ZFPM2: variants seen among roughly 807,000 people sequenced by gnomAD.
ZFPM2 encodes zinc finger protein ZFPM2.
A neutral mutation model predicts 98.6 loss-of-function variants in ZFPM2; 20 were observed. That is an observed-to-expected ratio of 0.20 (90% confidence interval 0.14 to 0.29). The LOEUF is 0.29. Among genes scored for constraint, ZFPM2 ranks in the 10% least tolerant of loss-of-function variants. ZFPM2 has a pLI of 1.00. For synonymous variants in ZFPM2, 518 were observed against 502.7 expected (o/e 1.03, Z -0.41); for missense variants, 1,310 against 1,388.6 (o/e 0.94, Z 0.90).
intron 4 of ZFPM2, among the ~76,000 whole-genome samples, chr8:105,607,805 A>G (rs71522749): frequency 0.11 from 16,408 of 152,164 alleles, 1,060 homozygotes; most frequent in South Asian, 0.22. Flanking sequence ...CATCTTTTTA[A>G]TGATTTAATA....
intron 5 of ZFPM2, among the ~76,000 whole-genome samples, chr8:105,786,594 G>C (rs1199034295): frequency 6.6e-6 from 1 of 151,146 alleles, no homozygotes; most frequent in Non-Finnish European, 1.5e-5. Context: ...GATAATAAAT[G>C]TGAAACATTA....
At chr8:105,595,834 C>T (rs976421916) in intron 4 of ZFPM2, among the ~76,000 whole-genome samples, 1 of 151,824 alleles carries the variant, frequency 6.6e-6, no homozygotes, top group African/African-American at 2.4e-5. Context: ...AGGCACATAA[C>T]TTCTTAGAGC....
At chr8:105,678,706 A>C (rs1810530481) in intron 5 of ZFPM2, 1 of 152,206 alleles carries the variant, frequency 6.6e-6, no homozygotes, top group African/African-American at 2.4e-5. Flanking sequence ...TTCCATTGGT[A>C]ACCACCCTGG....
At chr8:105,458,911 A>T (rs912023104) in intron 3 of ZFPM2, among the ~76,000 whole-genome samples, 1 of 152,154 alleles carries the variant, frequency 6.6e-6, no homozygotes, top group Non-Finnish European at 1.5e-5. Flanking sequence ...TTGCCATTAA[A>T]CAATAATTAT....
chr8:105,580,269 A>C (rs765376262), intron 4 of ZFPM2, among the ~76,000 whole-genome samples: 34 of 152,180 alleles, frequency 2.2e-4, no homozygotes, highest in Non-Finnish European at 3.4e-4. Context: ...TTGTTGTGTG[A>C]AGGCAGAATT....
chr8:105,681,817 C>CT (rs1810611083), intron 5 of ZFPM2, among the ~76,000 whole-genome samples: 1 of 152,036 alleles, frequency 6.6e-6, no homozygotes, highest in Non-Finnish European at 1.5e-5. Context: ...TAATTACTCT[C>CT]TTGTGTGTGC....
chr8:105,418,965 T>C (rs1383387160), intron 1 of ZFPM2, among the ~76,000 whole-genome samples, 179 bp from the exon 2 acceptor site: 5 of 152,152 alleles, frequency 3.3e-5, no homozygotes, highest in African/African-American at 1.2e-4. Context: ...TCTTTCATCA[T>C]AGGTCATTGT....
At chr8:105,433,449 C>T (rs1812058720) in intron 2 of ZFPM2, among the ~76,000 whole-genome samples, 1 of 152,116 alleles carries the variant, frequency 6.6e-6, no homozygotes, top group Non-Finnish European at 1.5e-5. Context: ...TTTCTCCTTA[C>T]TAGCTATGAT....
At chr8:105,388,251 G>C (rs1811041142) in intron 1 of ZFPM2, among the ~76,000 whole-genome samples, 1 of 151,934 alleles carries the variant, frequency 6.6e-6, no homozygotes, top group South Asian at 2.1e-4. Flanking sequence ...GCAACATAGA[G>C]ATTTTCATGG....
intron 3 of ZFPM2, among the ~76,000 whole-genome samples, chr8:105,491,257 A>G (rs1813350860): frequency 6.6e-6 from 1 of 152,114 alleles, no homozygotes; most frequent in Admixed American, 6.6e-5. Context: ...TGGTCAAAGA[A>G]CTGCATCCTT....
At chr8:105,695,598 A>C (rs1172042889) in intron 5 of ZFPM2, among the ~76,000 whole-genome samples, 1 of 152,020 alleles carries the variant, frequency 6.6e-6, no homozygotes, top group Non-Finnish European at 1.5e-5. Context: ...TGTTTTGTTA[A>C]GTGCAGTCAC....
intron 4 of ZFPM2, among the ~76,000 whole-genome samples, chr8:105,632,605 T>G (rs997362037): frequency 6.6e-6 from 1 of 152,230 alleles, no homozygotes; most frequent in African/African-American, 2.4e-5. Context: ...TCTCCTCTAA[T>G]TCTATTTTGA....
intron 5 of ZFPM2, among the ~76,000 whole-genome samples, chr8:105,660,349 G>A (rs1429239260): frequency 6.6e-6 from 1 of 152,104 alleles, no homozygotes; most frequent in Non-Finnish European, 1.5e-5. Context: ...AAGCATTAGA[G>A]CTTACAGTCT....
At chr8:105,637,154 G>A (rs1355589426) in intron 5 of ZFPM2, among the ~76,000 whole-genome samples, 2 of 152,148 alleles carry the variant, frequency 1.3e-5, no homozygotes, top group African/African-American at 4.8e-5. Context: ...GAGGTGGCAT[G>A]ATTGCCTGTG....
chr8:105,349,038 G>C (rs1283019407), intron 1 of ZFPM2, among the ~76,000 whole-genome samples: 1 of 152,116 alleles, frequency 6.6e-6, no homozygotes, highest in African/African-American at 2.4e-5. Context: ...CTGTTGTGGG[G>C]TTACAGAAAA....
chr8:105,515,812 A>G (rs1813907449), intron 3 of ZFPM2, among the ~76,000 whole-genome samples: 2 of 151,966 alleles, frequency 1.3e-5, no homozygotes, highest in Admixed American at 6.6e-5. Flanking sequence ...CTCTCTAGGC[A>G]ATTTTAAAGA....
chr8:105,651,009 T>C (rs1488623461), intron 5 of ZFPM2, among the ~76,000 whole-genome samples: 1 of 152,178 alleles, frequency 6.6e-6, no homozygotes, highest in Non-Finnish European at 1.5e-5. Context: ...TCAGTTTTTG[T>C]CTTTAAAACT....
At chr8:105,773,680 A>T (rs1266902878) in intron 5 of ZFPM2, among the ~76,000 whole-genome samples, 1 of 150,936 alleles carries the variant, frequency 6.6e-6, no homozygotes, top group Non-Finnish European at 1.5e-5. Flanking sequence ...AAAAATAAAT[A>T]AAAAAGATAA....
At chr8:105,768,242 A>G (rs1450336202) in intron 5 of ZFPM2, among the ~76,000 whole-genome samples, 1 of 151,948 alleles carries the variant, frequency 6.6e-6, no homozygotes, top group African/African-American at 2.4e-5. Context: ...TCCAAAAAAT[A>G]AAATGACCTC....
Sources: gnomAD v4.1 joint callset for allele counts (sites outside exome capture counted in the v4.1 genomes callset) on GRCh38, gnomAD v4.1.1 for gene constraint, MANE v1.5 for transcripts, NCBI Gene and HGNC (gene_info 2026-07-23, HGNC 2026-07-21) for gene names.